The following RBM33 variants were observed in gnomAD, a reference collection of about 807,000 sequenced individuals.
RBM33 encodes the protein RNA-binding protein 33.
RBM33 carries 28 observed loss-of-function variants against 132.6 expected under a neutral mutation model. That is an observed-to-expected ratio of 0.21 (90% CI 0.16 to 0.29). RBM33 has a LOEUF of 0.29. Among genes scored for constraint, RBM33 ranks in the 10% least tolerant of loss-of-function variants. The pLI is 1.00. For synonymous variants in RBM33, 634 were observed against 593.0 expected (o/e 1.07, Z -1.01); for missense variants, 1,291 against 1,518.5 (o/e 0.85, Z 2.49).
At chr7:155,672,744 C>CAAAA (rs559042068) in intron 2 of RBM33, 123 bp from the exon 3 acceptor site, 159 of 351,530 alleles carry the variant, frequency 4.5e-4, no homozygotes, top group African/African-American at 3.8e-3. Flanking sequence ...GGCTTTGTCT[C>CAAAA]AAAAAAAAAA....
chr7:155,648,674 A>G (rs908205820), intron 1 of RBM33, among the ~76,000 whole-genome samples: 3 of 151,900 alleles, frequency 2.0e-5, no homozygotes, highest in Non-Finnish European at 4.4e-5. Flanking sequence ...CTTAGCTTCA[A>G]TCAAGAGAGT....
At chr7:155,764,066 G>A in intron 15 of RBM33, 48 bp downstream of exon 15, 1 of 1,409,590 alleles carries the variant, frequency 7.1e-7, no homozygotes, top group Admixed American at 2.5e-5. Flanking sequence ...GAAGGCCGGT[G>A]TGAGGCAGTG....
chr7:155,710,556 C>T, intron 7 of RBM33, among the ~76,000 whole-genome samples: 1 of 152,186 alleles, frequency 6.6e-6, no homozygotes, highest in Non-Finnish European at 1.5e-5. Context: ...TTCTTTCCTG[C>T]CTTCTTCCCT....
At chr7:155,767,375 G>C (rs977059018) in intron 16 of RBM33, among the ~76,000 whole-genome samples, 1 of 152,250 alleles carries the variant, frequency 6.6e-6, no homozygotes, top group Non-Finnish European at 1.5e-5. Context: ...GTGGGATCTG[G>C]TGTGTCTGGG....
At chr7:155,763,775 G>A in intron 14 of RBM33, 37 bp from the exon 15 acceptor site, 3 of 1,576,460 alleles carry the variant, frequency 1.9e-6, no homozygotes, top group Non-Finnish European at 2.6e-6. Context: ...TGGTGGAGCA[G>A]ACACTGAACA....
chr7:155,736,511 C>T (rs1283400436), intron 9 of RBM33, among the ~76,000 whole-genome samples: 1 of 152,036 alleles, frequency 6.6e-6, no homozygotes, highest in Non-Finnish European at 1.5e-5. Flanking sequence ...CCTGAAAGAC[C>T]AACTGAAAAA....
Position 155,774,995 on chromosome 7 carries a change from A to C in RBM33, c.3467A>C (p.His1156Pro). The C allele has an allele frequency of 6.2e-7, 1 of 1,613,714 alleles. No homozygotes were observed. Among genetic ancestry groups the C allele is most frequent in the Non-Finnish European group, 8.5e-7 (1 of 1,179,650 alleles). The stretch of plus-strand genomic sequence containing the variant: ...ATCGTTTCTTTAAATTTTCACAGGC[A>C]TATGATAGATTTGTCCCACATAAAT... ...ALAFQQKFHR[H>P]MIDLSHINVA... Residue 1156 changes from histidine to proline, a missense_variant and splice_region_variant, in exon 18 of 18, where the codon CAT (histidine) becomes CCT (proline). By Grantham distance (77) the His-to-Pro change is moderately conservative (BLOSUM62 -2). Coordinates refer to ENST00000401878, the MANE Select transcript of RBM33 (RefSeq NM_053043.3). The surrounding 1 kb of genome is among the most constrained non-coding windows in gnomAD (Gnocchi z 4.2).
chr7:155,768,207 G>A (rs953015553), intron 16 of RBM33, among the ~76,000 whole-genome samples: 1 of 152,188 alleles, frequency 6.6e-6, no homozygotes, highest in Non-Finnish European at 1.5e-5. Context: ...TGATCGAGTT[G>A]TCAAGATCCA....
chr7:155,765,471 C>T (rs1053175056), intron 15 of RBM33, among the ~76,000 whole-genome samples: 1 of 152,184 alleles, frequency 6.6e-6, no homozygotes, highest in Non-Finnish European at 1.5e-5. Context: ...GTTTTCTCTT[C>T]GTTTCCTTTT....
chr7:155,704,863 G>T (rs1585462606), intron 6 of RBM33, among the ~76,000 whole-genome samples: 1 of 152,092 alleles, frequency 6.6e-6, no homozygotes, highest in South Asian at 2.1e-4. Context: ...AAACAATTCA[G>T]AATTGCTAAT....
chr7:155,656,723 T>A lies in RBM33; in HGVS notation c.44-8452T>A, dbSNP rs187143527. Among the ~76,000 whole-genome samples, 219 of 152,334 alleles carry A rather than the reference T, an allele frequency of 1.4e-3. 4 individuals carry two copies. The highest frequency in any genetic ancestry group is 4.1e-3 in the Admixed American group (63 of 15,302). ...TAAAAAATATTTGTTTTATAGACTT[T>A]TTGTCATTAAAATATGTTGCATTAA... On this transcript the variant is annotated intron_variant, in intron 1 of 17. Coordinates refer to ENST00000401878, the MANE Select transcript of RBM33 (RefSeq NM_053043.3).
In RBM33 at chr7:155,779,023, G is replaced by T. The variant is rs1016914470; in HGVS notation, c.*3982G>T. ...AGCTCTTAAGAAACATTCCTGGTGCGGTGTCTGCAGTGCCCTTTGTGGGTG... is the reference window on the plus strand; with the variant it reads ...AGCTCTTAAGAAACATTCCTGGTGCTGTGTCTGCAGTGCCCTTTGTGGGTG... On this transcript the variant is annotated 3_prime_UTR_variant, in exon 18 of 18. Coordinates refer to ENST00000401878, the MANE Select transcript of RBM33 (RefSeq NM_053043.3). 6.6e-6 allele frequency: 1 copy of T among 152,276 alleles called. No homozygotes were observed. The highest frequency in any genetic ancestry group is 2.4e-5 in the African/African-American group (1 of 41,394). The allele number at this position is 152,276 out of a possible 1,614,324, so 9.4% of individuals were successfully genotyped here.
At chr7:155,662,485 G>A (rs57118825) in intron 1 of RBM33, among the ~76,000 whole-genome samples, 3,775 of 152,158 alleles carry the variant, frequency 0.025, 145 homozygotes, top group African/African-American at 0.085. Context: ...GAGTTTTGGA[G>A]CACTCTTGTT....
At chr7:155,666,371 T>G (rs549303527) in intron 2 of RBM33, among the ~76,000 whole-genome samples, 11 of 152,306 alleles carry the variant, frequency 7.2e-5, no homozygotes, top group Admixed American at 7.2e-4. Flanking sequence ...CTGCCCACAT[T>G]GGTGAGGATG....
intron 1 of RBM33, 127 bp from the exon 2 acceptor site, chr7:155,665,048 A>G (rs887725773): frequency 9.1e-6 from 6 of 662,170 alleles, no homozygotes; most frequent in Non-Finnish European, 1.6e-5. Flanking sequence ...TGATAGTTAC[A>G]TATGAAACTT....
chr7:155,735,499 G>A lies in RBM33; in HGVS notation c.1261-2031G>A, dbSNP rs377612799. On this transcript the variant is annotated intron_variant, in intron 9 of 17. Coordinates refer to ENST00000401878, the MANE Select transcript of RBM33 (RefSeq NM_053043.3). ...GTGGAAGAATCATTTGAGCCCAGGC[G>A]TTCAAGACCAACTTGGGCAACATAG... Among the ~76,000 whole-genome samples, 23 of 152,298 alleles carry A rather than the reference G, an allele frequency of 1.5e-4. 1 individual carries two copies. The highest frequency in any genetic ancestry group is 9.8e-4 in the Admixed American group (15 of 15,306).
intron 16 of RBM33, among the ~76,000 whole-genome samples, chr7:155,773,291 TGCG>T (rs1802490133): frequency 6.6e-6 from 1 of 151,920 alleles, no homozygotes. Flanking sequence ...GGGCACCAGG[TGCG>T]GTGGCTCATG....
At chr7:155,754,314 A>G (rs1801778029) in intron 14 of RBM33, among the ~76,000 whole-genome samples, 1 of 152,302 alleles carries the variant, frequency 6.6e-6, no homozygotes, top group East Asian at 1.9e-4. Context: ...TCCCTCCCCT[A>G]ACTTTCAACA....
chr7:155,706,929 G>A lies in RBM33; in HGVS notation c.809G>A (p.Arg270His), dbSNP rs1455453530. ...AGGGAGCGACAGCATAAACAAGGAC[G>A]CTACAGCTCCAGGCGGGGAGGACGG... ...EERERQHKQG[R>H]YSSRRGGRRG... is the part of the protein sequence containing the mutation. Residue 270 changes from arginine to histidine, a missense_variant, in exon 7 of 18, where the codon CGC (arginine) becomes CAC (histidine). Arg to His is a conservative substitution (Grantham distance 29). Around this residue, in one of 7 missense-constraint regions of RBM33, gnomAD observed 34 missense variants for 46.5 expected, o/e 0.73. Transcript: ENST00000401878. 4 of 1,606,676 alleles carry A rather than the reference G, an allele frequency of 2.5e-6. No individual in the cohort carries two copies. The highest frequency in any genetic ancestry group is 2.7e-5 in the African/African-American group (2 of 74,918).
Sources: allele counts gnomAD v4.1 joint callset (sites outside exome capture counted in the v4.1 genomes callset), GRCh38; gene constraint gnomAD v4.1.1; regional missense constraint gnomAD v4.1.1; non-coding constraint Gnocchi (gnomAD v3.1); transcripts MANE v1.5; gene names NCBI Gene and HGNC (gene_info 2026-07-23, HGNC 2026-07-21).